The following SLC27A1 variants were observed in gnomAD, a reference collection of about 807,000 sequenced individuals.
SLC27A1 encodes the protein long-chain fatty acid transport protein 1.
SLC27A1 carries 61 observed loss-of-function variants against 62.2 expected under a neutral mutation model. The ratio of observed to expected loss-of-function variants is 0.98; its 90% CI spans 0.80 to 1.21. SLC27A1 has a LOEUF of 1.21. SLC27A1 is among the 50% of genes most tolerant of loss of function. SLC27A1 has a pLI of 0.00. For missense variants in SLC27A1, 903 were observed against 932.1 expected (o/e 0.97, Z 0.41); for synonymous variants, 435 against 408.6 (o/e 1.06, Z -0.78).
Position 17,498,674 on chromosome 19 carries a change from C to T in SLC27A1, c.1206+1210C>T, listed in dbSNP as rs559591974. 4 of 243,144 alleles carry T rather than the reference C, an allele frequency of 1.6e-5. No individual in the cohort carries two copies. In the South Asian group the frequency reaches 5.8e-4, roughly 35 times the overall value. 15.1% of individuals were successfully genotyped at this position (243,144 alleles called of 1,614,324 possible). ...AGCTGGGCCCGGGGGACCACTACCA[C>T]CAAGAGGCGGAGACCGGTAGAGGCC... On this transcript the variant is annotated intron_variant, in intron 7 of 11. Coordinates refer to ENST00000252595, the MANE Select transcript of SLC27A1 (RefSeq NM_198580.3).
chr19:17,480,785 A>C (rs2075169781), intron 1 of SLC27A1, among the ~76,000 whole-genome samples: 1 of 151,986 alleles, frequency 6.6e-6, no homozygotes. Context: ...CCCATTGTCC[A>C]GGTAGTGAAC....
intron 1 of SLC27A1, among the ~76,000 whole-genome samples, chr19:17,474,628 T>C (rs1463464503): frequency 1.6e-5 from 2 of 124,156 alleles, no homozygotes; most frequent in Non-Finnish European, 3.2e-5. Flanking sequence ...GACCCCTTTC[T>C]TTTTTTTTTT....
chr19:17,500,333 T>C lies in SLC27A1; in HGVS notation c.1262T>C (p.Leu421Pro), dbSNP rs200569053. 3.5e-5 allele frequency: 57 copies of C among 1,614,108 alleles called. No individual in the cohort carries two copies. The highest frequency in any genetic ancestry group is 4.0e-5 in the Non-Finnish European group (47 of 1,180,034). ...CTGCCCCACGTGTACCCCATCCGGC[T>C]GGTGAAGGTCAATGAGGACACAATG... is the stretch of plus-strand genomic sequence containing the variant. ...RILPHVYPIR[L>P]VKVNEDTMEL... The change falls in exon 8 of 12, where the codon CTG becomes CCG. Residue 421 changes from leucine (L) to proline (P), a missense_variant. Leu to Pro is a moderately conservative substitution (Grantham distance 98). Coordinates refer to ENST00000252595, the MANE Select transcript of SLC27A1 (RefSeq NM_198580.3).
Position 17,487,577 on chromosome 19 carries a change from G to C in SLC27A1, c.794+48G>C, listed in dbSNP as rs750161592. 3.8e-6 allele frequency: 6 copies of C among 1,582,362 alleles called. No homozygotes were observed. The East Asian group carries it at 1.4e-4, about 36-fold the overall frequency. On this transcript the variant is annotated intron_variant, in intron 4 of 11. Transcript: ENST00000252595. Reference sequence around the variant, plus strand: ...GCCCTCAGCCGCTGAGAGTGACCCAGGCTATCTTGCCAGCCTGACCTGCCC... The same window carrying C: ...GCCCTCAGCCGCTGAGAGTGACCCACGCTATCTTGCCAGCCTGACCTGCCC...
At chr19:17,487,123 G>A (rs1405964319) in intron 2 of SLC27A1, 51 bp from the exon 3 acceptor site, 1 of 1,610,904 alleles carries the variant, frequency 6.2e-7, no homozygotes, top group Non-Finnish European at 8.5e-7. Flanking sequence ...CCCAGGCCTC[G>A]GGAGGGGGCC....
rs1033363537 is a variant in SLC27A1, at chr19:17,506,050, C to T, written c.*1438C>T. ...CCGTCTGTCCTCCCTCCAGCAGCAC[C>T]CCCTGGCCCCTGGAGTGGTGGGGCC... On this transcript the variant is annotated 3_prime_UTR_variant, in exon 12 of 12. Coordinates refer to ENST00000252595, the MANE Select transcript of SLC27A1 (RefSeq NM_198580.3). The T allele has an allele frequency of 1.3e-5, 2 of 152,298 alleles. No homozygotes were observed. Among genetic ancestry groups the T allele is most frequent in the Admixed American group, 6.5e-5 (1 of 15,290 alleles). The allele number at this position is 152,298 out of a possible 1,614,324, so 9.4% of individuals were successfully genotyped here. A position where few individuals can be genotyped will look rare whatever the true frequency, so the allele number is the denominator to read the frequency against.
At chr19:17,487,970 C>T (rs1473941949) in intron 4 of SLC27A1, among the ~76,000 whole-genome samples, 1 of 152,096 alleles carries the variant, frequency 6.6e-6, no homozygotes, top group Non-Finnish European at 1.5e-5. Context: ...CCACGATGGC[C>T]CAGCTCCTGT....
chr19:17,481,403 G>A (rs1057408181), intron 1 of SLC27A1, among the ~76,000 whole-genome samples: 1 of 144,884 alleles, frequency 6.9e-6, no homozygotes. Flanking sequence ...TGCAACCTCT[G>A]CCTCCTGGGT....
In SLC27A1 at chr19:17,500,330, G is replaced by T; in HGVS notation, c.1259G>T (p.Arg420Leu). ...ATCCTGCCCCACGTGTACCCCATCC[G>T]GCTGGTGAAGGTCAATGAGGACACA... Reference protein sequence around the residue: ...SRILPHVYPIRLVKVNEDTME... With the variant: ...SRILPHVYPILLVKVNEDTME... Residue 420 changes from arginine to leucine, a missense_variant, in exon 8 of 12, where the codon CGG (arginine) becomes CTG (leucine). Transcript: ENST00000252595. 6.2e-7 allele frequency: 1 copy of T among 1,614,196 alleles called. No homozygotes were observed. Among genetic ancestry groups the T allele is most frequent in the Non-Finnish European group, 8.5e-7 (1 of 1,180,028 alleles).
At position 17,504,896 on chromosome 19, in the gene SLC27A1, C is replaced by A. The variant is rs542371771; in HGVS notation, c.*284C>A. ...TTCCCTCTTTTTCTTTTCTTTCTTTCTTTCTTTTTTTTTTAAGATAGAGTC... is the reference window on the plus strand; with the variant it reads ...TTCCCTCTTTTTCTTTTCTTTCTTTATTTCTTTTTTTTTTAAGATAGAGTC... On this transcript the variant is annotated 3_prime_UTR_variant, in exon 12 of 12. Coordinates refer to ENST00000252595, the MANE Select transcript of SLC27A1 (RefSeq NM_198580.3). 1.8e-5 allele frequency: 11 copies of A among 604,842 alleles called. No homozygotes were observed. Among genetic ancestry groups the A allele is most frequent in the East Asian group, 1.1e-4 (3 of 27,996 alleles). The allele number at this position is 604,842 out of a possible 1,614,324, so 37.5% of individuals were successfully genotyped here.
intron 1 of SLC27A1, among the ~76,000 whole-genome samples, chr19:17,475,269 A>C (rs1010080634): frequency 6.6e-6 from 1 of 152,160 alleles, no homozygotes; most frequent in African/African-American, 2.4e-5. Flanking sequence ...GGCTGGGTGC[A>C]GAGGCTCGTG....
chr19:17,481,594 C>T (rs375463208), intron 1 of SLC27A1, among the ~76,000 whole-genome samples: 3 of 152,280 alleles, frequency 2.0e-5, no homozygotes, highest in East Asian at 3.9e-4. Flanking sequence ...GCCTTGACTT[C>T]CTGGGCTCAA....
chr19:17,497,565 C>A (rs757130520), intron 7 of SLC27A1, 101 bp downstream of exon 7: 4 of 1,121,406 alleles, frequency 3.6e-6, no homozygotes, highest in Admixed American at 4.1e-5. Context: ...CCTGGACTGG[C>A]GCGGAAGGCT....
At chr19:17,480,533 A>ATT (rs781084877) in intron 1 of SLC27A1, among the ~76,000 whole-genome samples, 2 of 67,664 alleles carry the variant, frequency 3.0e-5, no homozygotes, top group African/African-American at 5.2e-5. Flanking sequence ...TGGCCAGTTA[A>ATT]TTTTTTTCTT....
At chr19:17,503,935 A>T (rs1385595741) in intron 11 of SLC27A1, among the ~76,000 whole-genome samples, 33 of 137,850 alleles carry the variant, frequency 2.4e-4, no homozygotes, top group African/African-American at 1.0e-3. Flanking sequence ...ATGTCTCAAA[A>T]AAAAAAAAAA....
chr19:17,493,420 T>G (rs1329437527), intron 6 of SLC27A1, among the ~76,000 whole-genome samples: 1 of 74,298 alleles, frequency 1.3e-5, no homozygotes. Context: ...AGAGCACAAC[T>G]CCATCTCAAA....
intron 6 of SLC27A1, among the ~76,000 whole-genome samples, chr19:17,493,302 C>T (rs1381024960): frequency 6.6e-6 from 1 of 150,928 alleles, no homozygotes; most frequent in Non-Finnish European, 1.5e-5. Context: ...GTGGCGGGCA[C>T]CTGTAGTCCC....
intron 1 of SLC27A1, among the ~76,000 whole-genome samples, chr19:17,485,274 C>G (rs2075218308): frequency 1.4e-5 from 2 of 145,164 alleles, no homozygotes; most frequent in Non-Finnish European, 3.0e-5. Context: ...ACTGCAACCT[C>G]TGCCTGCTGT....
intron 7 of SLC27A1, 76 bp downstream of exon 7, chr19:17,497,540 G>A: frequency 7.4e-7 from 1 of 1,350,262 alleles, no homozygotes; most frequent in South Asian, 1.2e-5. Flanking sequence ...GGGGCCCCTG[G>A]GATACATAAA....
Sources: gnomAD v4.1 joint callset for allele counts (sites outside exome capture counted in the v4.1 genomes callset) on GRCh38, gnomAD v4.1.1 for gene constraint, MANE v1.5 for transcripts, NCBI Gene and HGNC (gene_info 2026-07-23, HGNC 2026-07-21) for gene names.